Variants in THEMIS observed in about 807,000 individuals in gnomAD.
THEMIS encodes the protein protein THEMIS.
Under a neutral mutation model 52.6 loss-of-function variants are expected in THEMIS, and 37 were observed. The ratio of observed to expected loss-of-function variants is 0.70; its 90% CI spans 0.54 to 0.93. THEMIS has a LOEUF of 0.93. Among genes scored for constraint, THEMIS ranks in the 40% least tolerant of loss-of-function variants. THEMIS has a pLI of 0.00. For missense variants in THEMIS, 808 were observed against 763.1 expected (o/e 1.06, Z -0.69); for synonymous variants, 292 against 272.7 (o/e 1.07, Z -0.70).
chr6:127,772,282 C>T (rs1348497777), intron 4 of THEMIS, among the ~76,000 whole-genome samples: 1 of 151,868 alleles, frequency 6.6e-6, no homozygotes, highest in Non-Finnish European at 1.5e-5. Context: ...AATTATTTTT[C>T]TCACACTCTC....
chr6:127,740,273 C>A (rs1341142342), intron 4 of THEMIS, among the ~76,000 whole-genome samples: 1 of 152,030 alleles, frequency 6.6e-6, no homozygotes, highest in Non-Finnish European at 1.5e-5. Flanking sequence ...AACTCAAACA[C>A]CTTCAGAGCC....
intron 3 of THEMIS, among the ~76,000 whole-genome samples, chr6:127,816,657 G>A (rs1002861748): frequency 3.3e-5 from 5 of 152,006 alleles, no homozygotes; most frequent in Admixed American, 6.6e-5. Context: ...CTTTCTAACC[G>A]GTATCCTTGC....
At chr6:127,758,406 CCTTAT>C in intron 4 of THEMIS, among the ~76,000 whole-genome samples, 1 of 147,398 alleles carries the variant, frequency 6.8e-6, no homozygotes, top group East Asian at 2.0e-4. Flanking sequence ...TTAACAATTA[CCTTAT>C]AATAAATATA....
At chr6:127,796,631 A>G (rs1292362667) in intron 4 of THEMIS, among the ~76,000 whole-genome samples, 1 of 152,220 alleles carries the variant, frequency 6.6e-6, no homozygotes, top group African/African-American at 2.4e-5. Context: ...ATTTGATTTT[A>G]CTTAGATATT....
intron 4 of THEMIS, among the ~76,000 whole-genome samples, chr6:127,732,049 A>C (rs1227271661): frequency 6.7e-6 from 1 of 149,978 alleles, no homozygotes; most frequent in Admixed American, 6.7e-5. Flanking sequence ...ATTTTGGTGA[A>C]TCTTAAATGT....
intron 4 of THEMIS, among the ~76,000 whole-genome samples, chr6:127,794,297 A>G (rs1450599892): frequency 2.6e-5 from 4 of 152,182 alleles, no homozygotes; most frequent in African/African-American, 9.7e-5. Flanking sequence ...AAAAGCCAAA[A>G]TGAGCCCTTT....
chr6:127,874,669 TAC>T (rs745787014), intron 1 of THEMIS, among the ~76,000 whole-genome samples: 16 of 152,204 alleles, frequency 1.1e-4, no homozygotes, highest in Non-Finnish European at 2.1e-4. Context: ...CTTCACATTA[TAC>T]ACACACAAAT....
In THEMIS at chr6:127,714,552, A is replaced by C. The variant is rs148660597; in HGVS notation, c.1895-4536T>G. On this transcript the variant is annotated intron_variant, in intron 5 of 5. Transcript: ENST00000368248. Reference sequence around the variant, plus strand: ...CTGCTCTAGAGAATAGATCCCAAGAATATGTATTTTTAACATACACATTAA... The same window carrying C: ...CTGCTCTAGAGAATAGATCCCAAGACTATGTATTTTTAACATACACATTAA... Among the ~76,000 whole-genome samples the C allele has an allele frequency of 1.9e-3, 291 of 152,044 alleles. 5 individuals carry two copies. The highest frequency in any genetic ancestry group is 0.017 in the Admixed American group (259 of 15,238).
intron 4 of THEMIS, among the ~76,000 whole-genome samples, chr6:127,725,212 T>C (rs937098477): frequency 3.9e-5 from 6 of 152,130 alleles, no homozygotes; most frequent in African/African-American, 1.2e-4. Flanking sequence ...AAAGTACACT[T>C]AAGTGAAGAA....
At chr6:127,762,284 C>T (rs1011661792) in intron 4 of THEMIS, among the ~76,000 whole-genome samples, 1 of 151,982 alleles carries the variant, frequency 6.6e-6, no homozygotes, top group African/African-American at 2.4e-5. Flanking sequence ...AATTAAGTTT[C>T]AGTCAAGGAA....
At chr6:127,733,429 A>T (rs763136518) in intron 4 of THEMIS, among the ~76,000 whole-genome samples, 4 of 152,192 alleles carry the variant, frequency 2.6e-5, no homozygotes, top group Non-Finnish European at 5.9e-5. Flanking sequence ...TGTTCAAAGA[A>T]CTTAACCAGG....
intron 4 of THEMIS, among the ~76,000 whole-genome samples, chr6:127,731,897 G>A (rs1412643569): frequency 2.3e-5 from 1 of 42,770 alleles, no homozygotes; most frequent in South Asian, 1.2e-3. Flanking sequence ...TAGTAGAGAT[G>A]GGGTTTCACC....
intron 4 of THEMIS, among the ~76,000 whole-genome samples, chr6:127,723,531 G>T (rs191132699): frequency 6.6e-6 from 1 of 151,932 alleles, no homozygotes; most frequent in Non-Finnish European, 1.5e-5. Context: ...GTATGTTTAT[G>T]ACTCCAGCGG....
chr6:127,712,795 C>A (rs1261112331), intron 5 of THEMIS, among the ~76,000 whole-genome samples: 1 of 151,726 alleles, frequency 6.6e-6, no homozygotes, highest in Admixed American at 6.6e-5. Context: ...TTAATAATAA[C>A]TTACAAAATG....
downstream of THEMIS, among the ~76,000 whole-genome samples, chr6:127,706,739 G>A (rs1296410553): frequency 6.6e-6 from 1 of 152,054 alleles, no homozygotes; most frequent in Non-Finnish European, 1.5e-5. Context: ...GGTGGCCAGA[G>A]CAAGGCACAT....
upstream of THEMIS, among the ~76,000 whole-genome samples, chr6:127,903,473 G>GA (rs1430094065): frequency 2.6e-5 from 4 of 152,086 alleles, no homozygotes; most frequent in Admixed American, 2.6e-4. Flanking sequence ...AAGGCAGTGG[G>GA]AAAGAATGTT....
chr6:127,888,931 G>C (rs1463138114), intron 1 of THEMIS, among the ~76,000 whole-genome samples: 3 of 151,980 alleles, frequency 2.0e-5, no homozygotes, highest in African/African-American at 7.2e-5. Flanking sequence ...TTTTGAAGTT[G>C]ATAATAACTT....
chr6:127,715,768 C>T (rs1372888765), intron 5 of THEMIS, among the ~76,000 whole-genome samples: 1 of 151,972 alleles, frequency 6.6e-6, no homozygotes. Context: ...GTATGTGAGT[C>T]TCACTTAGAA....
At chr6:127,790,311 T>G (rs1175977053) in intron 4 of THEMIS, among the ~76,000 whole-genome samples, 1 of 146,906 alleles carries the variant, frequency 6.8e-6, no homozygotes, top group East Asian at 1.9e-4. Flanking sequence ...TATAAACCTG[T>G]GTCTCTCCAA....
Sources: allele counts gnomAD v4.1 joint callset (sites outside exome capture counted in the v4.1 genomes callset), GRCh38; gene constraint gnomAD v4.1.1; transcripts MANE v1.5; gene names NCBI Gene and HGNC (gene_info 2026-07-23, HGNC 2026-07-21).